The following PCDH15 variants were observed in gnomAD, a reference collection of about 807,000 sequenced individuals.
PCDH15 encodes the protein protocadherin related 15, also known as protocadherin-15.
A neutral mutation model predicts 178.5 loss-of-function variants in PCDH15; 129 were observed. That is an observed-to-expected ratio of 0.72 (90% CI 0.63 to 0.84). The LOEUF (loss-of-function observed/expected upper bound fraction) is 0.84. Ranked by LOEUF, PCDH15 falls within the 40% of genes least tolerant of loss-of-function variation. PCDH15 has a pLI of 0.00. For synonymous variants in PCDH15, 800 were observed against 732.0 expected (o/e 1.09, Z -1.50); for missense variants, 2,230 against 2,099.9 (o/e 1.06, Z -1.21).
chr10:54,892,720 T>C (rs1954483781), intron 3 of PCDH15, among the ~76,000 whole-genome samples: 3 of 147,492 alleles, frequency 2.0e-5, no homozygotes, highest in South Asian at 4.3e-4. Context: ...ATGGAAATAA[T>C]AATAATTTTT....
At chr10:55,413,435 C>T (rs1838395180) in intron 2 of PCDH15, among the ~76,000 whole-genome samples, 2 of 151,484 alleles carry the variant, frequency 1.3e-5, no homozygotes, top group South Asian at 4.2e-4. Context: ...CTTCTATGTT[C>T]CAAGTGTAGA....
chr10:54,383,812 T>A (rs564017005), intron 3 of PCDH15, among the ~76,000 whole-genome samples: 729 of 151,858 alleles, frequency 4.8e-3, no homozygotes, highest in Non-Finnish European at 7.3e-3. Context: ...GAAACAAATA[T>A]TGGTTATTTT....
At chr10:54,528,678 T>G (rs945495656) in intron 2 of PCDH15, among the ~76,000 whole-genome samples, 1 of 152,034 alleles carries the variant, frequency 6.6e-6, no homozygotes, top group Non-Finnish European at 1.5e-5. Context: ...TAAAGTAAAT[T>G]GGTATTTTTC....
At chr10:54,514,677 A>C (rs1472174566) in intron 3 of PCDH15, among the ~76,000 whole-genome samples, 1 of 152,136 alleles carries the variant, frequency 6.6e-6, no homozygotes, top group East Asian at 1.9e-4. Context: ...CAAAAAAAAA[A>C]AAAAAACAGT....
intron 33 of PCDH15, among the ~76,000 whole-genome samples, chr10:53,819,413 A>G (rs2076175941): frequency 6.6e-6 from 1 of 152,008 alleles, no homozygotes; most frequent in Non-Finnish European, 1.5e-5. Flanking sequence ...GCTCAAAGGC[A>G]GAAAGTTACT....
intron 23 of PCDH15, among the ~76,000 whole-genome samples, chr10:53,954,346 T>C (rs970516079): frequency 1.3e-5 from 2 of 152,224 alleles, no homozygotes; most frequent in Admixed American, 6.5e-5. Context: ...ATAGGTCTAT[T>C]GTTATATTCC....
intron 21 of PCDH15, among the ~76,000 whole-genome samples, chr10:53,978,001 G>A (rs575728720): frequency 2.0e-5 from 3 of 152,248 alleles, no homozygotes; most frequent in African/African-American, 7.2e-5. Context: ...GCAGTGTATA[G>A]CCCCCTCTTG....
chr10:54,951,272 T>C (rs1176743382), intron 2 of PCDH15, among the ~76,000 whole-genome samples: 1 of 152,050 alleles, frequency 6.6e-6, no homozygotes, highest in East Asian at 1.9e-4. Flanking sequence ...TTTTACAGTC[T>C]CCATAGCTTC....
chr10:55,564,107 C>T (rs1440318602), intron 2 of PCDH15, among the ~76,000 whole-genome samples: 1 of 151,640 alleles, frequency 6.6e-6, no homozygotes, highest in Non-Finnish European at 1.5e-5. Context: ...AATTATTAGT[C>T]TAAAGTTCCC....
chr10:54,187,826 G>T (rs533226797), intron 11 of PCDH15, among the ~76,000 whole-genome samples: 1 of 151,546 alleles, frequency 6.6e-6, no homozygotes, highest in African/African-American at 2.4e-5. Context: ...AAATATCCTC[G>T]TATTAATTTA....
chr10:54,169,551 A>C (rs1370404889), intron 13 of PCDH15, among the ~76,000 whole-genome samples: 2 of 147,394 alleles, frequency 1.4e-5, no homozygotes, highest in Non-Finnish European at 3.0e-5. Flanking sequence ...TGCTTCCCTG[A>C]CTATTCCTGG....
intron 2 of PCDH15, among the ~76,000 whole-genome samples, chr10:55,003,620 C>A (rs1376293293): frequency 6.6e-6 from 1 of 152,028 alleles, no homozygotes; most frequent in East Asian, 1.9e-4. Flanking sequence ...TGGTTGTTTG[C>A]ATAAGTTCAA....
chr10:54,358,664 T>C (rs1945463310), intron 5 of PCDH15, among the ~76,000 whole-genome samples: 1 of 152,080 alleles, frequency 6.6e-6, no homozygotes, highest in Non-Finnish European at 1.5e-5. Flanking sequence ...TTACTGGGTA[T>C]ATACCCAAAG....
intron 2 of PCDH15, among the ~76,000 whole-genome samples, chr10:55,590,288 G>C (rs1842817279): frequency 7.6e-6 from 1 of 132,224 alleles, no homozygotes; most frequent in African/African-American, 2.8e-5. Flanking sequence ...ACAGGAAGGG[G>C]AACATCACAC....
At chr10:55,187,806 C>T (rs1341370033) in intron 1 of PCDH15, among the ~76,000 whole-genome samples, 1 of 151,938 alleles carries the variant, frequency 6.6e-6, no homozygotes, top group Non-Finnish European at 1.5e-5. Context: ...AAAATATTTA[C>T]TTTCTGGTCT....
chr10:55,601,495 G>A (rs913888058), intron 2 of PCDH15, among the ~76,000 whole-genome samples: 1 of 152,108 alleles, frequency 6.6e-6, no homozygotes, highest in Non-Finnish European at 1.5e-5. Flanking sequence ...AGATCATGCA[G>A]AATTATATAC....
intron 2 of PCDH15, among the ~76,000 whole-genome samples, chr10:54,531,591 C>A (rs540327491): frequency 1.3e-5 from 2 of 152,232 alleles, no homozygotes; most frequent in East Asian, 3.9e-4. Flanking sequence ...TGAGAGCAAG[C>A]ACCCAGGAAT....
chr10:54,386,265 CA>C (rs1175695043), intron 3 of PCDH15, among the ~76,000 whole-genome samples: 4,386 of 132,892 alleles, frequency 0.033, 62 homozygotes, highest in South Asian at 0.058. Context: ...TGATGAGTTA[CA>C]AAAAAAAAAA....
chr10:54,731,508 C>G (rs976211150), intron 1 of PCDH15, among the ~76,000 whole-genome samples: 1 of 115,936 alleles, frequency 8.6e-6, no homozygotes, highest in African/African-American at 3.2e-5. Flanking sequence ...TGGAATCAAC[C>G]AAAGTGCCCA....
Sources: gnomAD v4.1 joint callset for allele counts (sites outside exome capture counted in the v4.1 genomes callset) on GRCh38, gnomAD v4.1.1 for gene constraint, MANE v1.5 for transcripts, NCBI Gene and HGNC (gene_info 2026-07-23, HGNC 2026-07-21) for gene names.